The following ZSWIM7 variants were observed in gnomAD, a reference collection of about 807,000 sequenced individuals.
The protein encoded by ZSWIM7 is zinc finger SWIM domain-containing protein 7.
A neutral mutation model predicts 21.1 loss-of-function variants in ZSWIM7; 22 were observed. The ratio of observed to expected loss-of-function variants is 1.04; its 90% CI spans 0.74 to 1.49. ZSWIM7 has a LOEUF of 1.49. Among genes scored for constraint, ZSWIM7 ranks in the 40% most tolerant of loss-of-function variants. The pLI is 0.00. For missense variants in ZSWIM7, 193 were observed against 168.0 expected (o/e 1.15, Z -0.82); for synonymous variants, 67 against 66.5 (o/e 1.01, Z -0.04).
chr17:15,987,104 A>G (rs987880189), intron 3 of ZSWIM7, among the ~76,000 whole-genome samples, 162 bp downstream of exon 3: 1 of 152,222 alleles, frequency 6.6e-6, no homozygotes, highest in African/African-American at 2.4e-5. Context: ...AAGTAAATAA[A>G]AATTTTAAAA....
rs1970300454 is a variant in ZSWIM7 at position 15,978,032 on chromosome 17, C to T, written c.*15G>A. ...AGGATTCTATTTTGAAAGAATGATG[C>T]TCAATCTGTACCTTTTATGCTTCTT... On this transcript the variant is annotated 3_prime_UTR_variant, in exon 5 of 5. Coordinates refer to ENST00000399277, the MANE Select transcript of ZSWIM7 (RefSeq NM_001042697.2). 2 of 1,578,756 alleles carry T rather than the reference C, an allele frequency of 1.3e-6. No homozygotes were observed. Among genetic ancestry groups the T allele is most frequent in the East Asian group, 4.5e-5 (2 of 44,654 alleles).
At position 15,999,255 on chromosome 17, in the gene ZSWIM7, C is replaced by G. The variant is rs1021463697; in HGVS notation, c.76+264G>C. 63 of 597,134 alleles carry G rather than the reference C, an allele frequency of 1.1e-4. 1 individual carries two copies. The Middle Eastern group carries it at 1.8e-3, about 17-fold the overall frequency. The allele number at this position is 597,134 out of a possible 1,614,324, so 37.0% of individuals were successfully genotyped here. A position where few individuals can be genotyped will look rare whatever the true frequency, so the allele number is the denominator to read the frequency against. On this transcript the variant is annotated intron_variant, in intron 1 of 4. Coordinates refer to ENST00000399277, the MANE Select transcript of ZSWIM7 (RefSeq NM_001042697.2). Reference sequence around the variant, plus strand: ...CCAGCTCTCAGCACTTCGGTCCCCACTGGCCTACTCGCTCCGACGGAGGGG... The same window carrying G: ...CCAGCTCTCAGCACTTCGGTCCCCAGTGGCCTACTCGCTCCGACGGAGGGG...
At chr17:15,979,646 G>C in intron 4 of ZSWIM7, among the ~76,000 whole-genome samples, 1 of 130,408 alleles carries the variant, frequency 7.7e-6, no homozygotes, top group African/African-American at 3.0e-5. Context: ...TCCCGGACGG[G>C]GCGGCTGGCT....
rs1970647163 is a variant in ZSWIM7, at chr17:15,999,648, G to C, written c.-54C>G. 1 of 1,565,448 alleles carries C rather than the reference G, an allele frequency of 6.4e-7. No homozygotes were observed. The highest frequency in any genetic ancestry group is 1.9e-5 in the Admixed American group (1 of 53,258). ...GGCGGACCGCCGCGACGCTCCAGCTGACTGCGCCTACCTGTGGAGGATCCT... is the reference window on the plus strand; with the variant it reads ...GGCGGACCGCCGCGACGCTCCAGCTCACTGCGCCTACCTGTGGAGGATCCT... On this transcript the variant is annotated 5_prime_UTR_variant, in exon 1 of 5. Coordinates refer to ENST00000399277, the MANE Select transcript of ZSWIM7 (RefSeq NM_001042697.2).
chr17:15,990,236 A>AAGCAAT (rs1970465570), intron 2 of ZSWIM7, among the ~76,000 whole-genome samples: 1 of 112,544 alleles, frequency 8.9e-6, no homozygotes, highest in African/African-American at 3.1e-5. Context: ...AAAAAAAAAA[A>AAGCAAT]AGCAATAAAC....
chr17:15,986,296 G>A (rs111230097), intron 3 of ZSWIM7, among the ~76,000 whole-genome samples: 2 of 152,006 alleles, frequency 1.3e-5, no homozygotes, highest in African/African-American at 4.8e-5. Flanking sequence ...CACCTGCCTC[G>A]GCCTCCCAAA....
intron 2 of ZSWIM7, among the ~76,000 whole-genome samples, chr17:15,992,225 C>T (rs564425005): frequency 1.3e-5 from 2 of 152,062 alleles, no homozygotes; most frequent in Non-Finnish European, 2.9e-5. Context: ...CCGCACCTGG[C>T]CAGGATTTTT....
At chr17:15,983,865 G>A (rs1485503996) in intron 3 of ZSWIM7, among the ~76,000 whole-genome samples, 1 of 152,134 alleles carries the variant, frequency 6.6e-6, no homozygotes, top group African/African-American at 2.4e-5. Flanking sequence ...AGGATTCCAA[G>A]CATGAACCAC....
intron 1 of ZSWIM7, 77 bp from the exon 2 acceptor site, chr17:15,993,855 G>A: frequency 8.6e-7 from 1 of 1,162,928 alleles, no homozygotes; most frequent in East Asian, 2.4e-5. Context: ...AAAAAACACT[G>A]TAACTAAAAA....
At chr17:15,981,204 C>A in intron 3 of ZSWIM7, 60 bp from the exon 4 acceptor site, 1 of 1,274,800 alleles carries the variant, frequency 7.8e-7, no homozygotes, top group South Asian at 1.3e-5. Context: ...CACCTCTTTC[C>A]CTTTTTATTT....
intron 4 of ZSWIM7, among the ~76,000 whole-genome samples, chr17:15,979,187 ACT>A (rs1488238250): frequency 6.6e-6 from 1 of 151,200 alleles, no homozygotes; most frequent in African/African-American, 2.4e-5. Flanking sequence ...AGTGGTGATG[ACT>A]CTTAACGAGC....
intron 2 of ZSWIM7, among the ~76,000 whole-genome samples, chr17:15,991,789 TTTA>T (rs1970484957): frequency 1.3e-5 from 2 of 152,138 alleles, no homozygotes; most frequent in Middle Eastern, 3.2e-3. Context: ...CTTCAGAACT[TTTA>T]TTTTTTTAGA....
At chr17:15,989,219 T>C (rs1468405144) in intron 2 of ZSWIM7, among the ~76,000 whole-genome samples, 1 of 152,140 alleles carries the variant, frequency 6.6e-6, no homozygotes, top group African/African-American at 2.4e-5. Flanking sequence ...ATTCTTATAA[T>C]ATTAGGTGAG....
intron 1 of ZSWIM7, among the ~76,000 whole-genome samples, chr17:15,994,390 G>C (rs1249934855): frequency 6.6e-6 from 1 of 152,240 alleles, no homozygotes; most frequent in East Asian, 1.9e-4. Context: ...GCCAGCAATG[G>C]GGAGAGTCAA....
Position 15,999,604 on chromosome 17 carries a change from G to C in ZSWIM7, c.-10C>G, listed in dbSNP as rs1254751983. 2.1e-5 allele frequency: 33 copies of C among 1,570,760 alleles called. No individual in the cohort carries two copies. The highest frequency in any genetic ancestry group is 2.8e-5 in the Non-Finnish European group (33 of 1,159,614). ...GCAACACTACGGCCATCGCGCCGCA[G>C]GACACGCCCTCCACGACCGGCGGAC... On this transcript the variant is annotated 5_prime_UTR_variant, in exon 1 of 5. Coordinates refer to ENST00000399277, the MANE Select transcript of ZSWIM7 (RefSeq NM_001042697.2).
intron 3 of ZSWIM7, among the ~76,000 whole-genome samples, chr17:15,984,122 CAG>C (rs146431105): frequency 0.044 from 6,687 of 152,236 alleles, 328 homozygotes; most frequent in African/African-American, 0.12. Context: ...AGAAATTCTA[CAG>C]AGTTTCCTTG....
intron 1 of ZSWIM7, among the ~76,000 whole-genome samples, chr17:15,999,098 T>C (rs1970621409): frequency 6.6e-6 from 1 of 152,146 alleles, no homozygotes; most frequent in African/African-American, 2.4e-5. Context: ...AATGTTAACA[T>C]CAGAATTTGA....
At chr17:15,997,728 G>A (rs1284435045) in intron 1 of ZSWIM7, among the ~76,000 whole-genome samples, 2 of 152,190 alleles carry the variant, frequency 1.3e-5, no homozygotes, top group East Asian at 3.8e-4. Context: ...TCCTGTGTCT[G>A]AACCATGGGT....
At chr17:15,991,108 A>G (rs78309229) in intron 2 of ZSWIM7, 1 of 149,424 alleles carries the variant, frequency 6.7e-6, no homozygotes, top group South Asian at 2.1e-4. Flanking sequence ...ACACTGTCTG[A>G]AAAAAAAAAG....
Sources: allele counts gnomAD v4.1 joint callset (sites outside exome capture counted in the v4.1 genomes callset), GRCh38; gene constraint gnomAD v4.1.1; transcripts MANE v1.5; gene names NCBI Gene and HGNC (gene_info 2026-07-23, HGNC 2026-07-21).